EPHA6: variants seen among roughly 807,000 people sequenced by gnomAD.
EPHA6 encodes the protein EPH receptor A6.
A neutral mutation model predicts 112.0 loss-of-function variants in EPHA6; 50 were observed. That is an observed-to-expected ratio of 0.45 (90% confidence interval 0.36 to 0.56). EPHA6 has a LOEUF of 0.56. Among genes scored for constraint, EPHA6 ranks in the 20% least tolerant of loss-of-function variants. The pLI is 0.00. For synonymous variants in EPHA6, 529 were observed against 490.7 expected (o/e 1.08, Z -1.03); for missense variants, 1,280 against 1,417.4 (o/e 0.90, Z 1.56).
chr3:97,080,473 A>G (rs774449178), intron 3 of EPHA6, among the ~76,000 whole-genome samples: 10 of 152,104 alleles, frequency 6.6e-5, no homozygotes, highest in African/African-American at 9.7e-5. Flanking sequence ...TTCTATAACT[A>G]TTTTTGCAGG....
chr3:97,072,443 A>G (rs1309172168), intron 3 of EPHA6, among the ~76,000 whole-genome samples: 1 of 152,044 alleles, frequency 6.6e-6, no homozygotes, highest in African/African-American at 2.4e-5. Context: ...TAACTAAGAA[A>G]CTAGGAGGGA....
chr3:97,637,329 C>T (rs2093955471), intron 13 of EPHA6, among the ~76,000 whole-genome samples: 4 of 152,060 alleles, frequency 2.6e-5, no homozygotes, highest in African/African-American at 9.7e-5. Flanking sequence ...TTTGCTTGTG[C>T]TTTTTTTCAT....
intron 10 of EPHA6, among the ~76,000 whole-genome samples, chr3:97,519,679 A>G (rs1056176408): frequency 2.0e-5 from 3 of 152,074 alleles, no homozygotes; most frequent in Non-Finnish European, 4.4e-5. Context: ...GATTTTCCTC[A>G]TAGAGATCTT....
At chr3:97,413,010 C>CT (rs1158066365) in intron 6 of EPHA6, among the ~76,000 whole-genome samples, 2 of 151,314 alleles carry the variant, frequency 1.3e-5, no homozygotes, top group African/African-American at 2.4e-5. Context: ...CTTTGCTTTT[C>CT]TTTTTTTTAA....
At chr3:97,528,590 T>C (rs546774030) in intron 10 of EPHA6, among the ~76,000 whole-genome samples, 30 of 152,156 alleles carry the variant, frequency 2.0e-4, no homozygotes, top group Admixed American at 1.6e-3. Flanking sequence ...GCTTCAATGC[T>C]CTCTAGGGTT....
chr3:97,577,263 G>A (rs2093395394), intron 11 of EPHA6, among the ~76,000 whole-genome samples: 1 of 152,230 alleles, frequency 6.6e-6, no homozygotes, highest in East Asian at 1.9e-4. Flanking sequence ...AAATAAAATT[G>A]CAAAGGAAGA....
At chr3:96,819,423 A>G (rs568642792) in intron 1 of EPHA6, among the ~76,000 whole-genome samples, 1 of 152,094 alleles carries the variant, frequency 6.6e-6, no homozygotes, top group South Asian at 2.1e-4. Flanking sequence ...CCCTATCACA[A>G]TTTCAGTAAC....
In EPHA6 at chr3:96,830,932, A is replaced by G. The variant is rs1227777414; in HGVS notation, c.385+15924A>G. On this transcript the variant is annotated intron_variant, in intron 1 of 17. Coordinates refer to ENST00000389672, the MANE Select transcript of EPHA6 (RefSeq NM_001080448.3). Reference sequence around the variant, plus strand: ...GCACAAGTGATAACTATGGAAGGTAATGCATTTGTTAATTAGCTACATTTA... The same window carrying G: ...GCACAAGTGATAACTATGGAAGGTAGTGCATTTGTTAATTAGCTACATTTA... 2.0e-5 allele frequency among the ~76,000 whole-genome samples: 3 copies of G among 152,038 alleles called. No homozygotes were observed. In the East Asian group the frequency reaches 5.8e-4, roughly 29 times the overall value.
At chr3:97,325,970 T>A (rs903800871) in intron 5 of EPHA6, among the ~76,000 whole-genome samples, 5 of 152,206 alleles carry the variant, frequency 3.3e-5, no homozygotes, top group Non-Finnish European at 7.4e-5. Context: ...ACCATAGGAT[T>A]ATTCAAGAGA....
At chr3:97,740,194 C>T (rs1002446994) in intron 16 of EPHA6, among the ~76,000 whole-genome samples, 1 of 152,120 alleles carries the variant, frequency 6.6e-6, no homozygotes, top group East Asian at 1.9e-4. Flanking sequence ...TCTGCATTGT[C>T]TTCAACCCTC....
chr3:97,158,338 C>T (rs935001220), intron 3 of EPHA6, among the ~76,000 whole-genome samples: 1 of 152,120 alleles, frequency 6.6e-6, no homozygotes, highest in Admixed American at 6.6e-5. Context: ...GTCCTCATTT[C>T]TCTGTAACTG....
At chr3:96,875,826 T>A (rs561029486) in intron 2 of EPHA6, among the ~76,000 whole-genome samples, 2 of 151,938 alleles carry the variant, frequency 1.3e-5, no homozygotes, top group Admixed American at 6.6e-5. Flanking sequence ...AACAGTCTTT[T>A]ATTTATTTTT....
chr3:97,549,318 G>T (rs1422725839), intron 11 of EPHA6, among the ~76,000 whole-genome samples: 1 of 152,072 alleles, frequency 6.6e-6, no homozygotes. Flanking sequence ...CACTGCTAAT[G>T]TTGCCAGGAA....
chr3:96,983,162 A>G (rs1459118977), intron 2 of EPHA6, among the ~76,000 whole-genome samples: 2 of 152,092 alleles, frequency 1.3e-5, no homozygotes, highest in African/African-American at 4.8e-5. Context: ...GGTCTTTACA[A>G]TCTGGCATGT....
intron 11 of EPHA6, among the ~76,000 whole-genome samples, chr3:97,557,295 C>T (rs1342709736): frequency 1.3e-5 from 2 of 151,928 alleles, no homozygotes; most frequent in East Asian, 3.9e-4. Context: ...TTTTCCAATA[C>T]AATTATTTGT....
intron 3 of EPHA6, among the ~76,000 whole-genome samples, chr3:97,158,440 G>T (rs148076444): frequency 9.2e-5 from 14 of 152,228 alleles, no homozygotes; most frequent in African/African-American, 3.1e-4. Flanking sequence ...AAGTGGTCAT[G>T]GTTCTTTACA....
chr3:97,302,812 C>T (rs72924496), intron 5 of EPHA6, among the ~76,000 whole-genome samples: 4,259 of 151,760 alleles, frequency 0.028, 205 homozygotes, highest in African/African-American at 0.091. Flanking sequence ...TTTCTATATT[C>T]AATGGAAATA....
intron 5 of EPHA6, among the ~76,000 whole-genome samples, chr3:97,254,883 C>T (rs963077928): frequency 6.6e-6 from 1 of 152,158 alleles, no homozygotes; most frequent in African/African-American, 2.4e-5. Flanking sequence ...AATTGCACTT[C>T]AGGAGATAGA....
chr3:97,189,860 A>T (rs1193645868), intron 3 of EPHA6, among the ~76,000 whole-genome samples: 1 of 152,264 alleles, frequency 6.6e-6, no homozygotes, highest in African/African-American at 2.4e-5. Context: ...ATATAGATAT[A>T]TTTAAATGCA....
Sources: gnomAD v4.1 joint callset for allele counts (sites outside exome capture counted in the v4.1 genomes callset) on GRCh38, gnomAD v4.1.1 for gene constraint, MANE v1.5 for transcripts, NCBI Gene and HGNC (gene_info 2026-07-23, HGNC 2026-07-21) for gene names.